The following SGCZ variants were observed in gnomAD, a reference collection of about 807,000 sequenced individuals.
SGCZ encodes sarcoglycan zeta.
In SGCZ, 40 loss-of-function variants were observed where a neutral mutation model predicts 41.3. The observed-to-expected ratio is 0.97, with a 90% CI of 0.75 to 1.26. The LOEUF is 1.26. Ranked by LOEUF, SGCZ falls within the 50% of genes most tolerant of loss-of-function variation. SGCZ has a pLI of 0.00. For synonymous variants in SGCZ, 206 were observed against 137.5 expected, an observed-to-expected ratio of 1.50 and a Z score of -3.49; for missense variants, 552 against 369.8, an observed-to-expected ratio of 1.49 and a Z score of -4.04.
intron 2 of SGCZ, among the ~76,000 whole-genome samples, chr8:14,404,754 T>G (rs964846553): frequency 1.3e-5 from 2 of 152,184 alleles, no homozygotes; most frequent in African/African-American, 4.8e-5. Context: ...GATCTGTGTC[T>G]GGTTTTTGCT....
chr8:14,868,256 C>T (rs1452023210), intron 1 of SGCZ, among the ~76,000 whole-genome samples: 1 of 152,126 alleles, frequency 6.6e-6, no homozygotes, highest in African/African-American at 2.4e-5. Flanking sequence ...ACTCGGTGAC[C>T]TCCCTCCTTG....
rs535904809 is a variant in SGCZ, at chr8:15,174,046, G to A, written c.39+63539C>T. Among the ~76,000 whole-genome samples, 6 of 152,182 alleles carry A rather than the reference G, an allele frequency of 3.9e-5. No homozygotes were observed. In the South Asian group the frequency reaches 1.2e-3, roughly 32 times the overall value. ...ATACTTTATTTAAACATTCTTTTTA[G>A]TGTGCACTTCAGTTAAGGGCCGTCA... On this transcript the variant is annotated intron_variant, in intron 1 of 7. Transcript: ENST00000382080.
chr8:14,515,884 G>A (rs565723344), intron 2 of SGCZ, among the ~76,000 whole-genome samples: 6 of 151,966 alleles, frequency 3.9e-5, no homozygotes, highest in Admixed American at 6.6e-5. Flanking sequence ...ATGATTTTGA[G>A]TATATTTCAA....
At chr8:14,663,958 T>C in intron 1 of SGCZ, among the ~76,000 whole-genome samples, 1 of 152,174 alleles carries the variant, frequency 6.6e-6, no homozygotes, top group East Asian at 1.9e-4. Context: ...GACACTTAGC[T>C]GCAGAAATAC....
intron 1 of SGCZ, among the ~76,000 whole-genome samples, chr8:15,034,932 G>T (rs1465299267): frequency 6.6e-6 from 1 of 152,114 alleles, no homozygotes. Flanking sequence ...AGTACCATCG[G>T]ACTTGTCTCC....
At chr8:14,338,050 G>C (rs1246482684) in intron 2 of SGCZ, among the ~76,000 whole-genome samples, 1 of 152,278 alleles carries the variant, frequency 6.6e-6, no homozygotes, top group Middle Eastern at 3.4e-3. Context: ...TAGCAGGCAA[G>C]ATATCAAGGA....
intron 1 of SGCZ, among the ~76,000 whole-genome samples, chr8:15,221,244 C>G (rs77449096): frequency 0.044 from 6,727 of 152,070 alleles, 211 homozygotes; most frequent in Middle Eastern, 0.082. Flanking sequence ...CCTGGATTTG[C>G]GAAGAAGGGT....
intron 1 of SGCZ, among the ~76,000 whole-genome samples, chr8:15,021,795 T>C (rs948583021): frequency 1.3e-5 from 2 of 152,206 alleles, no homozygotes; most frequent in Non-Finnish European, 2.9e-5. Flanking sequence ...TTGTTATTGT[T>C]GTTACTGGAA....
At chr8:14,812,386 A>C (rs1437929973) in intron 1 of SGCZ, among the ~76,000 whole-genome samples, 1 of 152,114 alleles carries the variant, frequency 6.6e-6, no homozygotes, top group Non-Finnish European at 1.5e-5. Flanking sequence ...TGTTACATAA[A>C]TCTGTTAGCC....
intron 2 of SGCZ, among the ~76,000 whole-genome samples, chr8:14,444,527 T>C (rs1409604416): frequency 2.6e-5 from 4 of 151,840 alleles, no homozygotes; most frequent in South Asian, 4.1e-4. Flanking sequence ...ATGGATGAAA[T>C]TGGAAATCAT....
intron 1 of SGCZ, among the ~76,000 whole-genome samples, chr8:14,999,552 A>G (rs2130908144): frequency 6.6e-6 from 1 of 152,310 alleles, no homozygotes; most frequent in South Asian, 2.1e-4. Context: ...GTCGAGAAAA[A>G]GGAGGAAGTG....
intron 1 of SGCZ, among the ~76,000 whole-genome samples, chr8:14,908,171 G>T (rs1799174259): frequency 6.6e-6 from 1 of 152,104 alleles, no homozygotes; most frequent in Non-Finnish European, 1.5e-5. Flanking sequence ...GGAATAATTT[G>T]TGACAATTAT....
intron 1 of SGCZ, among the ~76,000 whole-genome samples, chr8:14,698,248 G>C (rs1216309424): frequency 6.6e-6 from 1 of 151,704 alleles, no homozygotes; most frequent in Non-Finnish European, 1.5e-5. Context: ...GGTATTATTG[G>C]AGACTCTCAA....
At chr8:14,560,643 A>G (rs989726909) in intron 1 of SGCZ, among the ~76,000 whole-genome samples, 2 of 152,182 alleles carry the variant, frequency 1.3e-5, no homozygotes, top group Non-Finnish European at 1.5e-5. Context: ...TCTACAAATT[A>G]TATTTCAATA....
At chr8:14,751,660 AG>A (rs780278290) in intron 1 of SGCZ, among the ~76,000 whole-genome samples, 1 of 152,092 alleles carries the variant, frequency 6.6e-6, no homozygotes, top group Non-Finnish European at 1.5e-5. Context: ...AAAACCTGAG[AG>A]GATTTGCCTC....
At chr8:14,834,705 A>G (rs1478439613) in intron 1 of SGCZ, among the ~76,000 whole-genome samples, 1 of 152,174 alleles carries the variant, frequency 6.6e-6, no homozygotes, top group Non-Finnish European at 1.5e-5. Flanking sequence ...CATAGTCCCA[A>G]CTAATTTTGA....
At chr8:14,390,928 G>C (rs1461649101) in intron 2 of SGCZ, among the ~76,000 whole-genome samples, 1 of 152,032 alleles carries the variant, frequency 6.6e-6, no homozygotes, top group Non-Finnish European at 1.5e-5. Context: ...GAGAAATAAA[G>C]TTTACACGTT....
intron 1 of SGCZ, among the ~76,000 whole-genome samples, chr8:15,131,264 T>C (rs1053283038): frequency 6.6e-6 from 1 of 152,184 alleles, no homozygotes; most frequent in Non-Finnish European, 1.5e-5. Context: ...GGATGGTTTC[T>C]CCCATACTGT....
intron 2 of SGCZ, among the ~76,000 whole-genome samples, chr8:14,381,700 C>T (rs1355759759): frequency 6.6e-6 from 1 of 151,840 alleles, no homozygotes; most frequent in Non-Finnish European, 1.5e-5. Flanking sequence ...GTGAAAGGGT[C>T]TCTTGAGCCC....
Sources: allele counts gnomAD v4.1 joint callset (sites outside exome capture counted in the v4.1 genomes callset), GRCh38; gene constraint gnomAD v4.1.1; transcripts MANE v1.5; gene names NCBI Gene and HGNC (gene_info 2026-07-23, HGNC 2026-07-21).